Variants in PARVB observed in about 807,000 individuals in gnomAD.
PARVB encodes parvin beta.
Under a neutral mutation model 47.0 loss-of-function variants are expected in PARVB, and 46 were observed. The observed-to-expected ratio is 0.98, with a 90% CI of 0.77 to 1.25. The LOEUF is 1.25. PARVB is among the 50% of genes most tolerant of loss of function. The pLI is 0.00. For synonymous variants in PARVB, 196 were observed against 196.3 expected (o/e 1.00, Z 0.01); for missense variants, 473 against 471.6 (o/e 1.00, Z -0.03).
chr22:44,045,849 CA>C (rs1466687532), intron 1 of PARVB, among the ~76,000 whole-genome samples: 1 of 152,186 alleles, frequency 6.6e-6, no homozygotes, highest in Non-Finnish European at 1.5e-5. Flanking sequence ...TTGAAATTGG[CA>C]AATATGACAC....
At chr22:44,124,851 G>C (rs1264429518) in intron 4 of PARVB, among the ~76,000 whole-genome samples, 1 of 152,170 alleles carries the variant, frequency 6.6e-6, no homozygotes, top group African/African-American at 2.4e-5. Context: ...ACTGCGGGGG[G>C]ACTGCCACAA....
At chr22:44,097,959 C>T (rs1000027483) in intron 2 of PARVB, among the ~76,000 whole-genome samples, 5 of 152,160 alleles carry the variant, frequency 3.3e-5, no homozygotes, top group Non-Finnish European at 5.9e-5. Context: ...CTGGGACATC[C>T]GAGCCACCAT....
At chr22:44,159,391 C>T (rs1403809297) in intron 11 of PARVB, among the ~76,000 whole-genome samples, 2 of 152,160 alleles carry the variant, frequency 1.3e-5, no homozygotes, top group African/African-American at 4.8e-5. Context: ...TGGCCTTCTT[C>T]CCTTTGAAAC....
rs1350325626 is a variant in PARVB at position 44,049,253 on chromosome 22, T to G, written c.112+24802T>G. ...CTCCGGGTGGAAATGTTCTGAGAGC[T>G]GCTGTGTGTGCTGGTGTCAGAATGA... On this transcript the variant is annotated intron_variant, in intron 1 of 12. Coordinates refer to ENST00000338758, the MANE Select transcript of PARVB (RefSeq NM_013327.5). This position sits in a 1 kb window ranked among gnomAD's most constrained non-coding sequence, Gnocchi z 4.0. Among the ~76,000 whole-genome samples the G allele has an allele frequency of 6.6e-6, 1 of 152,176 alleles. No homozygotes were observed. The highest frequency in any genetic ancestry group is 1.5e-5 in the Non-Finnish European group (1 of 68,016).
intron 12 of PARVB, among the ~76,000 whole-genome samples, chr22:44,166,564 C>A (rs912369277): frequency 6.6e-6 from 1 of 152,238 alleles, no homozygotes; most frequent in Admixed American, 6.5e-5. Flanking sequence ...CCACCACGGA[C>A]GTGTGGAAAC....
intron 2 of PARVB, among the ~76,000 whole-genome samples, chr22:44,019,208 C>T (rs1013086853): frequency 1.2e-4 from 18 of 147,310 alleles, no homozygotes; most frequent in Non-Finnish European, 1.3e-4. Flanking sequence ...TGAGCCACCA[C>T]GCCTGGCCTA....
At chr22:44,027,248 G>A (rs1472851675) in intron 1 of PARVB, among the ~76,000 whole-genome samples, 1 of 152,162 alleles carries the variant, frequency 6.6e-6, no homozygotes, top group Non-Finnish European at 1.5e-5. Context: ...GTGCAGAGAA[G>A]ACCAACAACA....
intron 2 of PARVB, among the ~76,000 whole-genome samples, chr22:44,014,243 A>C (rs896724793): frequency 2.6e-5 from 4 of 152,122 alleles, no homozygotes; most frequent in African/African-American, 9.7e-5. Flanking sequence ...TGGGTAAGGG[A>C]GGTTGACTGA....
intron 12 of PARVB, 49 bp from the exon 13 acceptor site, chr22:44,168,553 A>G (rs373822570): frequency 1.2e-5 from 15 of 1,270,274 alleles, no homozygotes; most frequent in Non-Finnish European, 1.6e-5. Flanking sequence ...ACCTACCGCA[A>G]TGACAGGAGG....
intron 1 of PARVB, among the ~76,000 whole-genome samples, chr22:44,024,682 G>A (rs1603424201): frequency 6.6e-6 from 1 of 152,082 alleles, no homozygotes; most frequent in African/African-American, 2.4e-5. Context: ...ACGCGCGTGC[G>A]GGCGCCTGCG....
intron 11 of PARVB, among the ~76,000 whole-genome samples, chr22:44,159,827 T>C (rs1319802023): frequency 6.6e-6 from 1 of 152,142 alleles, no homozygotes; most frequent in Non-Finnish European, 1.5e-5. Flanking sequence ...GCGGATGGGA[T>C]GTTGATGGCA....
At chr22:44,165,564 C>CTT (rs2054149494) in intron 12 of PARVB, among the ~76,000 whole-genome samples, 1 of 152,218 alleles carries the variant, frequency 6.6e-6, no homozygotes, top group Non-Finnish European at 1.5e-5. Flanking sequence ...TTTGCCTCTC[C>CTT]CCAGCTGTGC....
rs1429778192 is a variant in PARVB at position 44,172,571 on chromosome 22, C to G, written c.*3893C>G. 1 of 175,966 alleles carries G rather than the reference C, an allele frequency of 5.7e-6. No individual in the cohort carries two copies. The highest frequency in any genetic ancestry group is 1.2e-5 in the Non-Finnish European group (1 of 80,800). The allele number at this position is 175,966 out of a possible 1,614,324, so 10.9% of individuals were successfully genotyped here. On this transcript the variant is annotated 3_prime_UTR_variant, in exon 13 of 13. Transcript: ENST00000338758. Reference sequence around the variant, plus strand: ...AGCTTCAGTTCCCCTTTGACGCCCACACAGTGTTATGCAAGCACCGAGCCC... The same window carrying G: ...AGCTTCAGTTCCCCTTTGACGCCCAGACAGTGTTATGCAAGCACCGAGCCC...
At chr22:44,062,012 A>T (rs891498045) in intron 1 of PARVB, among the ~76,000 whole-genome samples, 3 of 152,200 alleles carry the variant, frequency 2.0e-5, no homozygotes, top group Non-Finnish European at 2.9e-5. Flanking sequence ...ACATTTACAC[A>T]TACAGAATCC....
At chr22:44,156,651 C>G (rs1035696474) in intron 10 of PARVB, among the ~76,000 whole-genome samples, 1 of 152,124 alleles carries the variant, frequency 6.6e-6, no homozygotes, top group East Asian at 1.9e-4. Context: ...CGTGAATGCA[C>G]CTAACATGAT....
chr22:44,027,004 A>C (rs2050741555), intron 1 of PARVB, among the ~76,000 whole-genome samples: 1 of 151,362 alleles, frequency 6.6e-6, no homozygotes, highest in African/African-American at 2.4e-5. Context: ...GAAGCAGTGC[A>C]GGAAGTGTCT....
chr22:44,011,188 G>A (rs2050519099), intron 2 of PARVB, among the ~76,000 whole-genome samples: 1 of 152,018 alleles, frequency 6.6e-6, no homozygotes, highest in Admixed American at 6.6e-5. Context: ...TGCCCAGGTT[G>A]TTCTCGAACT....
At chr22:44,119,175 C>G (rs773929522) in intron 4 of PARVB, 35 bp downstream of exon 4, 1 of 1,427,042 alleles carries the variant, frequency 7.0e-7, no homozygotes, top group South Asian at 1.1e-5. Context: ...TGTCCCACCC[C>G]CATCTCCCTG....
chr22:44,145,811 C>G (rs2053651636), intron 8 of PARVB: 2 of 152,254 alleles, frequency 1.3e-5, no homozygotes, highest in South Asian at 4.1e-4. Flanking sequence ...TAAATATACC[C>G]TGGCTGACGT....
Sources: allele counts gnomAD v4.1 joint callset (sites outside exome capture counted in the v4.1 genomes callset), GRCh38; gene constraint gnomAD v4.1.1; non-coding constraint Gnocchi (gnomAD v3.1); transcripts MANE v1.5; gene names NCBI Gene and HGNC (gene_info 2026-07-23, HGNC 2026-07-21).